The following BNC2 variants were observed in gnomAD, a reference collection of about 807,000 sequenced individuals.
The protein encoded by BNC2 is basonuclin zinc finger protein 2.
BNC2 carries 20 observed loss-of-function variants against 76.3 expected under a neutral mutation model. That is an observed-to-expected ratio of 0.26 (90% CI 0.18 to 0.38). BNC2 has a LOEUF of 0.38. BNC2 is among the 10% of genes least tolerant of loss of function. BNC2 has a pLI of 1.00. For missense variants in BNC2, 1,382 were observed against 1,399.8 expected (o/e 0.99, Z 0.20); for synonymous variants, 582 against 514.8 (o/e 1.13, Z -1.77).
chr9:16,695,257 C>T (rs1296088515), intron 3 of BNC2, among the ~76,000 whole-genome samples: 1 of 152,050 alleles, frequency 6.6e-6, no homozygotes, highest in Non-Finnish European at 1.5e-5. Flanking sequence ...AATTGACTTA[C>T]CCAATGGTAA....
chr9:16,437,059 C>A lies in BNC2; in HGVS notation c.1135G>T (p.Asp379Tyr). 6.2e-7 allele frequency: 1 copy of A among 1,614,070 alleles called. No homozygotes were observed. The highest frequency in any genetic ancestry group is 2.2e-5 in the East Asian group (1 of 44,856). The change falls in exon 6 of 7, where the codon GAT (aspartate) becomes TAT (tyrosine). Residue 379 changes from aspartate (D) to tyrosine (Y), a missense_variant. By Grantham distance (160) the Asp-to-Tyr change is radical. This residue lies in a region of BNC2 where 557 missense variants were observed against 540.9 expected (regional missense o/e 1.03). Transcript: ENST00000380672. ...AGGGCATTTCTATTGGGTGTTTGAT[C>A]ATTCTTATAAGGTGTGGGAGAAACT... ...SEVSPTPYKN[D>Y]QTPNRNALTS...
intron 3 of BNC2, among the ~76,000 whole-genome samples, chr9:16,673,907 C>T (rs1192701052): frequency 6.6e-6 from 1 of 152,114 alleles, no homozygotes; most frequent in East Asian, 1.9e-4. Context: ...GTTATAATAC[C>T]TTGCACTAAA....
rs1489334935 is a variant in BNC2 at position 16,416,315 on chromosome 9, A to C, written c.*2674T>G. The C allele has an allele frequency of 6.6e-6, 1 of 152,652 alleles. No homozygotes were observed. The highest frequency in any genetic ancestry group is 2.1e-4 in the South Asian group (1 of 4,830). The allele number at this position is 152,652 out of a possible 1,614,324, so 9.5% of individuals were successfully genotyped here. ...AGAGTTTCTATAATGTTTTGTTGGG[A>C]TATTAAAAATCTTTTCCCACCCTTT... On this transcript the variant is annotated 3_prime_UTR_variant, in exon 7 of 7. Coordinates refer to ENST00000380672, the MANE Select transcript of BNC2 (RefSeq NM_017637.6).
At chr9:16,857,720 T>G (rs1195572095) in intron 1 of BNC2, among the ~76,000 whole-genome samples, 2 of 152,216 alleles carry the variant, frequency 1.3e-5, no homozygotes, top group African/African-American at 2.4e-5. Context: ...ATGAAACTTT[T>G]GTCTAAAATA....
chr9:16,779,019 C>T (rs547416134), intron 1 of BNC2, among the ~76,000 whole-genome samples: 39 of 150,432 alleles, frequency 2.6e-4, no homozygotes, highest in African/African-American at 8.3e-4. Context: ...AGACTCCTGC[C>T]TGTAATCCCA....
chr9:16,550,201 A>G (rs936243063), intron 5 of BNC2, among the ~76,000 whole-genome samples: 3 of 152,288 alleles, frequency 2.0e-5, no homozygotes, highest in Non-Finnish European at 4.4e-5. Context: ...GTGGCCCATG[A>G]AGGCTCTGAA....
intron 4 of BNC2, among the ~76,000 whole-genome samples, chr9:16,556,078 T>C (rs1053493307): frequency 2.0e-5 from 3 of 151,832 alleles, no homozygotes; most frequent in African/African-American, 4.8e-5. Context: ...GGCAGGAGAA[T>C]TGCTTGAGCC....
intron 1 of BNC2, among the ~76,000 whole-genome samples, chr9:16,799,119 CCT>C (rs1491297867): frequency 2.0e-5 from 3 of 151,932 alleles, no homozygotes; most frequent in Non-Finnish European, 2.9e-5. Context: ...ACATTATTTT[CCT>C]TTTTTTTTCC....
intron 3 of BNC2, among the ~76,000 whole-genome samples, chr9:16,605,784 CTTTTT>C (rs34431220): frequency 7.2e-5 from 8 of 110,760 alleles, no homozygotes; most frequent in Non-Finnish European, 1.3e-4. Flanking sequence ...TTCAAGAATT[CTTTTT>C]TTTTTTTTTT....
intron 5 of BNC2, among the ~76,000 whole-genome samples, chr9:16,439,504 T>A (rs1821083830): frequency 6.6e-6 from 1 of 152,328 alleles, no homozygotes; most frequent in East Asian, 1.9e-4. Flanking sequence ...AGTAGTAGTA[T>A]ACCCATCTGA....
intron 3 of BNC2, among the ~76,000 whole-genome samples, chr9:16,696,333 T>A (rs749031429): frequency 7.9e-5 from 12 of 152,244 alleles, no homozygotes; most frequent in Non-Finnish European, 1.8e-4. Flanking sequence ...ATAGACACTC[T>A]AATTAGAATA....
At chr9:16,491,767 G>C (rs1398141273) in intron 5 of BNC2, among the ~76,000 whole-genome samples, 1 of 152,158 alleles carries the variant, frequency 6.6e-6, no homozygotes, top group East Asian at 1.9e-4. Flanking sequence ...CTGCAGTTTA[G>C]TTTCATCTCT....
intron 5 of BNC2, among the ~76,000 whole-genome samples, chr9:16,549,543 T>C (rs188771614): frequency 1.3e-5 from 2 of 152,228 alleles, no homozygotes; most frequent in Non-Finnish European, 2.9e-5. Context: ...TTTTATAGCC[T>C]ACTTTTACAA....
intron 5 of BNC2, among the ~76,000 whole-genome samples, chr9:16,507,875 C>T (rs958234957): frequency 3.3e-5 from 5 of 152,106 alleles, no homozygotes; most frequent in Non-Finnish European, 5.9e-5. Flanking sequence ...TTGCTTAAAG[C>T]GGCCAAACTA....
chr9:16,771,682 G>A (rs1453561929), intron 1 of BNC2, among the ~76,000 whole-genome samples: 2 of 152,122 alleles, frequency 1.3e-5, no homozygotes, highest in Non-Finnish European at 2.9e-5. Context: ...CTTGATAAAG[G>A]TGTCACTATT....
At chr9:16,469,201 T>A (rs1821764448) in intron 5 of BNC2, among the ~76,000 whole-genome samples, 2 of 89,794 alleles carry the variant, frequency 2.2e-5, no homozygotes, top group Non-Finnish European at 4.4e-5. Flanking sequence ...AAAGTGAACA[T>A]GCTCTCAAAC....
chr9:16,735,808 T>G (rs888609519), intron 2 of BNC2, among the ~76,000 whole-genome samples: 7 of 151,754 alleles, frequency 4.6e-5, no homozygotes. Context: ...CCAGCCAAGA[T>G]AATGTTAATT....
At chr9:16,522,688 C>T (rs1040224994) in intron 5 of BNC2, among the ~76,000 whole-genome samples, 1 of 152,168 alleles carries the variant, frequency 6.6e-6, no homozygotes, top group Non-Finnish European at 1.5e-5. Flanking sequence ...TAAAGCACAA[C>T]ACTTATTCCC....
intron 1 of BNC2, among the ~76,000 whole-genome samples, chr9:16,811,012 A>G (rs1192689896): frequency 1.3e-5 from 2 of 151,860 alleles, no homozygotes; most frequent in Non-Finnish European, 2.9e-5. Context: ...AGGTCAGGAG[A>G]TCAAGACCAT....
Sources: allele counts gnomAD v4.1 joint callset (sites outside exome capture counted in the v4.1 genomes callset), GRCh38; gene constraint gnomAD v4.1.1; regional missense constraint gnomAD v4.1.1; transcripts MANE v1.5; gene names NCBI Gene and HGNC (gene_info 2026-07-23, HGNC 2026-07-21).